BSPRY: variants seen among roughly 807,000 people sequenced by gnomAD.
BSPRY encodes the protein B-box and SPRY domain containing, also known as B box and SPRY domain-containing protein.
Under a neutral mutation model 38.0 loss-of-function variants are expected in BSPRY, and 33 were observed. That is an observed-to-expected ratio of 0.87 (90% CI 0.66 to 1.16). BSPRY has a LOEUF of 1.16. Among genes scored for constraint, BSPRY ranks in the 50% most tolerant of loss-of-function variants. BSPRY has a pLI of 0.00. For missense variants in BSPRY, 523 were observed against 533.2 expected, an observed-to-expected ratio of 0.98 and a Z score of 0.19; for synonymous variants, 224 against 228.5, an observed-to-expected ratio of 0.98 and a Z score of 0.18.
intron 2 of BSPRY, among the ~76,000 whole-genome samples, chr9:113,358,677 G>A (rs1210461342): frequency 6.6e-6 from 1 of 152,176 alleles, no homozygotes; most frequent in African/African-American, 2.4e-5. Flanking sequence ...GGAAAGGGAA[G>A]TTTTTCTTTT....
rs1349183957 is a variant in BSPRY, at chr9:113,349,550, A to T, written c.-30A>T. ...GGCCCCGCCCGCCGCCACCTGCGACAGGTGGAGCGCACGGGGCGGGCGCAC... is the reference window on the plus strand; with the variant it reads ...GGCCCCGCCCGCCGCCACCTGCGACTGGTGGAGCGCACGGGGCGGGCGCAC... On this transcript the variant is annotated 5_prime_UTR_variant, in exon 1 of 6. Coordinates refer to ENST00000374183, the MANE Select transcript of BSPRY (RefSeq NM_017688.3). The T allele has an allele frequency of 1.1e-5, 12 of 1,116,476 alleles. No individual in the cohort carries two copies. The highest frequency in any genetic ancestry group is 1.7e-5 in the African/African-American group (1 of 59,842). The allele number at this position is 1,116,476 out of a possible 1,614,324, so 69.2% of individuals were successfully genotyped here. A position where few individuals can be genotyped will look rare whatever the true frequency, so the allele number is the denominator to read the frequency against.
At chr9:113,368,439 C>G in intron 5 of BSPRY, 56 bp downstream of exon 5, 1 of 1,585,170 alleles carries the variant, frequency 6.3e-7, no homozygotes, top group African/African-American at 1.4e-5. Context: ...GTCTGTCTGT[C>G]TGGGGTTCAC....
intron 1 of BSPRY, among the ~76,000 whole-genome samples, chr9:113,351,194 T>G (rs1473579062): frequency 6.6e-6 from 1 of 152,062 alleles, no homozygotes; most frequent in Non-Finnish European, 1.5e-5. Flanking sequence ...CTGGTGCTAG[T>G]TTCGGTACTA....
intron 4 of BSPRY, among the ~76,000 whole-genome samples, chr9:113,367,964 G>T (rs756502947): frequency 2.6e-5 from 4 of 152,064 alleles, no homozygotes; most frequent in Non-Finnish European, 4.4e-5. Flanking sequence ...CCAGGTAGCT[G>T]GGACTACAGG....
At chr9:113,354,374 C>T (rs774139609) in intron 2 of BSPRY, 36 bp downstream of exon 2, 8 of 1,571,582 alleles carry the variant, frequency 5.1e-6, no homozygotes, top group Non-Finnish European at 7.0e-6. Context: ...TCAGCCCCCT[C>T]CCAGGATAAG....
chr9:113,356,999 T>C (rs777019304), intron 2 of BSPRY, among the ~76,000 whole-genome samples: 1 of 152,120 alleles, frequency 6.6e-6, no homozygotes, highest in Non-Finnish European at 1.5e-5. Context: ...ATTTGGGATT[T>C]ATCAGTGTAT....
At position 113,370,623 on chromosome 9, in the gene BSPRY, G is replaced by T. The variant is rs1834333309; in HGVS notation, c.*481G>T. 1 of 153,186 alleles carries T rather than the reference G, an allele frequency of 6.5e-6. No individual in the cohort carries two copies. Among genetic ancestry groups the T allele is most frequent in the Admixed American group, 6.5e-5 (1 of 15,296 alleles). The allele number at this position is 153,186 out of a possible 1,614,324, so 9.5% of individuals were successfully genotyped here. A position where few individuals can be genotyped will look rare whatever the true frequency, so the allele number is the denominator to read the frequency against. On this transcript the variant is annotated 3_prime_UTR_variant, in exon 6 of 6. Transcript: ENST00000374183. The surrounding 1 kb of genome is among the most constrained non-coding windows in gnomAD (Gnocchi z 4.8). ...CTTTGTCTCTGGCATCTAGCATGGT[G>T]CCTGGTGCATAGTGAGCATGCAATA...
In BSPRY at chr9:113,370,089, C is replaced by G; in HGVS notation, c.1156C>G (p.Pro386Ala). 6.2e-7 allele frequency: 1 copy of G among 1,608,046 alleles called. No individual in the cohort carries two copies. The highest frequency in any genetic ancestry group is 8.5e-7 in the Non-Finnish European group (1 of 1,177,312). ...LCAHHVSFPG[P>A]LFPVFAVADQ... ...TGCCCATCATGTGTCCTTCCCGGGGCCCCTCTTCCCAGTCTTTGCTGTGGC... is the reference window on the plus strand; with the variant it reads ...TGCCCATCATGTGTCCTTCCCGGGGGCCCTCTTCCCAGTCTTTGCTGTGGC... Residue 386 changes from proline (P) to alanine (A), a missense_variant, in exon 6 of 6, where the codon CCC becomes GCC. Transcript: ENST00000374183. This position sits in a 1 kb window ranked among gnomAD's most constrained non-coding sequence, Gnocchi z 4.8.
intron 4 of BSPRY, 103 bp downstream of exon 4, chr9:113,362,497 G>C (rs766499041): frequency 3.2e-6 from 4 of 1,269,116 alleles, no homozygotes; most frequent in East Asian, 2.3e-5. Context: ...AATGCACAGG[G>C]TGTGCAGCTG....
chr9:113,362,544 A>C (rs559778773), intron 4 of BSPRY, 150 bp downstream of exon 4: 2 of 798,054 alleles, frequency 2.5e-6, no homozygotes, highest in South Asian at 1.5e-5. Context: ...TGGACAGGGA[A>C]TGTCTCTGCC....
intron 3 of BSPRY, among the ~76,000 whole-genome samples, chr9:113,361,424 C>T (rs1282546448): frequency 6.6e-6 from 1 of 152,128 alleles, no homozygotes; most frequent in Non-Finnish European, 1.5e-5. Context: ...AAGCACTGTG[C>T]TATGGGGCAG....
rs757859006 is a variant in BSPRY, at chr9:113,360,647, G to C, written c.441G>C (p.Arg147=). The change falls in exon 3 of 6, where the codon CGG becomes CGC. Residue 147 remains arginine, a synonymous_variant. Transcript: ENST00000374183. ...CCCACCAGAGCATCCTGACACAGCG[G>C]GTGCACTGGGCCGAGGCGCTGCAGA... ...ERAHQSILTQ[R]VHWAEALQKL... is the part of the protein sequence containing the mutation. The C allele has an allele frequency of 9.5e-5, 153 of 1,609,150 alleles. No homozygotes were observed. The highest frequency in any genetic ancestry group is 1.2e-4 in the Non-Finnish European group (146 of 1,178,804).
rs751601032 is a variant in BSPRY at position 113,360,608 on chromosome 9, C to G, written c.402C>G (p.Gly134=). 6 of 1,608,292 alleles carry G rather than the reference C, an allele frequency of 3.7e-6. No individual in the cohort carries two copies. The highest frequency in any genetic ancestry group is 2.0e-4 in the Middle Eastern group (1 of 4,888). ...EEQRLLEQVH[G]EEERAHQSIL... ...AGCGGTTACTGGAACAGGTGCATGG[C>G]GAAGAGGAGCGGGCCCACCAGAGCA... Residue 134 remains glycine (G), a synonymous_variant, in exon 3 of 6, where the codon GGC becomes GGG. Coordinates refer to ENST00000374183, the MANE Select transcript of BSPRY (RefSeq NM_017688.3).
intron 1 of BSPRY, among the ~76,000 whole-genome samples, chr9:113,352,075 T>C (rs1833981016): frequency 6.6e-6 from 1 of 152,124 alleles, no homozygotes; most frequent in Non-Finnish European, 1.5e-5. Flanking sequence ...CCTCCCAAAG[T>C]GTTGGGATTA....
intron 4 of BSPRY, among the ~76,000 whole-genome samples, chr9:113,364,733 C>A (rs1246046676): frequency 6.6e-6 from 1 of 151,940 alleles, no homozygotes; most frequent in African/African-American, 2.4e-5. Flanking sequence ...ATGAATTTTT[C>A]TTTCAAGATA....
intron 3 of BSPRY, among the ~76,000 whole-genome samples, chr9:113,361,507 A>G (rs1002059115): frequency 6.6e-6 from 1 of 152,212 alleles, no homozygotes; most frequent in Non-Finnish European, 1.5e-5. Flanking sequence ...CAATTAGGAT[A>G]TGGAAGGATA....
chr9:113,366,162 C>T (rs1472741846), intron 4 of BSPRY, among the ~76,000 whole-genome samples: 1 of 152,144 alleles, frequency 6.6e-6, no homozygotes, highest in African/African-American at 2.4e-5. Flanking sequence ...TGCCCTCTCC[C>T]TTTCTACATT....
chr9:113,358,555 A>T (rs1362368042), intron 2 of BSPRY, among the ~76,000 whole-genome samples: 29 of 152,078 alleles, frequency 1.9e-4, no homozygotes, highest in Non-Finnish European at 1.0e-4. Context: ...GGTATGAGCC[A>T]CCGTGTCCAG....
intron 4 of BSPRY, among the ~76,000 whole-genome samples, chr9:113,366,511 T>G (rs1179691363): frequency 6.6e-6 from 1 of 152,222 alleles, no homozygotes; most frequent in Non-Finnish European, 1.5e-5. Flanking sequence ...GGCATTCTGA[T>G]CCTGGCCAGG....
Sources: gnomAD v4.1 joint callset for allele counts (sites outside exome capture counted in the v4.1 genomes callset) on GRCh38, gnomAD v4.1.1 for gene constraint, Gnocchi (gnomAD v3.1) non-coding constraint, MANE v1.5 for transcripts, NCBI Gene and HGNC (gene_info 2026-07-23, HGNC 2026-07-21) for gene names.